The following ITSN2 variants were observed in gnomAD, a reference collection of about 807,000 sequenced individuals.
The protein encoded by ITSN2 is intersectin 2, also known as intersectin-2.
ITSN2 carries 156 observed loss-of-function variants against 243.7 expected under a neutral mutation model. That is an observed-to-expected ratio of 0.64 (90% CI 0.56 to 0.73). The LOEUF is 0.73. Ranked by LOEUF, ITSN2 falls within the 30% of genes least tolerant of loss-of-function variation. ITSN2 has a pLI of 0.00. For missense variants in ITSN2, 1,801 were observed against 1,996.1 expected (o/e 0.90, Z 1.86); for synonymous variants, 703 against 699.9 (o/e 1.00, Z -0.07).
At chr2:24,218,529 C>T (rs1243751473) in intron 30 of ITSN2, among the ~76,000 whole-genome samples, 1 of 152,198 alleles carries the variant, frequency 6.6e-6, no homozygotes, top group Non-Finnish European at 1.5e-5. Context: ...ATCTGTATTA[C>T]ATAGCACTTA....
chr2:24,354,151 T>C (rs1430146741), intron 1 of ITSN2, among the ~76,000 whole-genome samples: 1 of 152,270 alleles, frequency 6.6e-6, no homozygotes, highest in African/African-American at 2.4e-5. Context: ...GGTTACCTCA[T>C]TATCACTGAT....
chr2:24,277,988 T>A (rs895830174), intron 17 of ITSN2, among the ~76,000 whole-genome samples: 1 of 151,984 alleles, frequency 6.6e-6, no homozygotes, highest in Non-Finnish European at 1.5e-5. Context: ...CCTCACAGAG[T>A]TGTTGTGAGG....
intron 1 of ITSN2, among the ~76,000 whole-genome samples, chr2:24,349,119 C>A (rs2551145): frequency 0.96 from 146,293 of 152,094 alleles, 70,403 homozygotes; most frequent in East Asian, 0.98. Context: ...CAATAATCAT[C>A]ATCATCATCA....
At chr2:24,257,343 A>T (rs1428939263) in intron 23 of ITSN2, among the ~76,000 whole-genome samples, 1 of 152,184 alleles carries the variant, frequency 6.6e-6, no homozygotes, top group Non-Finnish European at 1.5e-5. Flanking sequence ...CAACAGATCT[A>T]TAATTTTGAG....
intron 18 of ITSN2, chr2:24,273,650 G>GT: frequency 6.6e-6 from 1 of 150,682 alleles, no homozygotes; most frequent in East Asian, 1.9e-4. Flanking sequence ...AAGGCTCCTT[G>GT]TTTAATTTAA....
Position 24,300,160 on chromosome 2 carries a change from C to T in ITSN2, c.1093G>A (p.Asp365Asn). Residue 365 changes from aspartate to asparagine, a missense_variant, in exon 12 of 40, where the codon GAC becomes AAC. Asp to Asn is a conservative substitution (Grantham distance 23). Around this residue, in one of 5 missense-constraint regions of ITSN2, gnomAD observed 787 missense variants for 803.9 expected, o/e 0.98. Transcript: ENST00000355123. ...CGCTCATAGTTGGCTTTCCGTTTGT[C>T]CTCAAAAGTAACTGAACAAGGTATG... The part of the protein sequence containing the change: ...PQKKLPVTFE[D>N]KRKANYERGN... The T allele has an allele frequency of 6.2e-7, 1 of 1,614,108 alleles. No homozygotes were observed. The highest frequency in any genetic ancestry group is 8.5e-7 in the Non-Finnish European group (1 of 1,180,022).
intron 13 of ITSN2, 21 bp from the exon 14 acceptor site, chr2:24,295,825 T>C (rs761809329): frequency 2.2e-5 from 32 of 1,465,294 alleles, no homozygotes; most frequent in Non-Finnish European, 2.9e-5. Flanking sequence ...ATCATATAAA[T>C]ATATAGTAAC....
intron 27 of ITSN2, 65 bp downstream of exon 27, chr2:24,248,564 T>A: frequency 7.3e-7 from 1 of 1,374,542 alleles, no homozygotes. Context: ...ATTAATTTTA[T>A]CTTTTTTATG....
intron 1 of ITSN2, among the ~76,000 whole-genome samples, chr2:24,338,560 C>G (rs1686710219): frequency 6.6e-6 from 1 of 152,208 alleles, no homozygotes; most frequent in Non-Finnish European, 1.5e-5. Context: ...ATGAGAAGAG[C>G]TGGAGCAAAA....
intron 37 of ITSN2, among the ~76,000 whole-genome samples, chr2:24,207,420 G>T (rs1169251160): frequency 2.6e-5 from 4 of 152,132 alleles, no homozygotes; most frequent in African/African-American, 9.7e-5. Flanking sequence ...GTGGTCCCTT[G>T]GGAAAAGCCG....
rs774913948 is a variant in ITSN2 at position 24,210,797 on chromosome 2, A to G, written c.4240T>C (p.Cys1414Arg). Residue 1414 changes from cysteine to arginine, a missense_variant, in exon 34 of 40, where the codon TGT becomes CGT. This residue lies in a region of ITSN2 where 928 missense variants were observed against 1,065.4 expected (regional missense o/e 0.87). Transcript: ENST00000355123. ...RLEWIQAHVQCEGLAEQLIFN... is the reference protein window; with the variant it reads ...RLEWIQAHVQREGLAEQLIFN... Reference sequence around the variant, plus strand: ...GGCCTGACCTCCGCGAGGCCTTCACACTGCACGTGCGCCTGGATCCACTCC... The same window carrying G: ...GGCCTGACCTCCGCGAGGCCTTCACGCTGCACGTGCGCCTGGATCCACTCC... 7.4e-6 allele frequency: 12 copies of G among 1,613,908 alleles called. No individual in the cohort carries two copies. Among genetic ancestry groups the G allele is most frequent in the Admixed American group, 5.0e-5 (3 of 59,990 alleles).
rs760987336 is a variant in ITSN2 at position 24,204,160 on chromosome 2, G to A, written c.4936+85C>T. On this transcript the variant is annotated intron_variant, in intron 39 of 39. Coordinates refer to ENST00000355123, the MANE Select transcript of ITSN2 (RefSeq NM_006277.3). This position sits in a 1 kb window ranked among gnomAD's most constrained non-coding sequence, Gnocchi z 5.1. Reference sequence around the variant, plus strand: ...ACTTCCCTGAAGTGGCATGGGGTCTGCACACAGCTGAAGCCCCTAGATCTG... The same window carrying A: ...ACTTCCCTGAAGTGGCATGGGGTCTACACACAGCTGAAGCCCCTAGATCTG... 18 of 1,361,934 alleles carry A rather than the reference G, an allele frequency of 1.3e-5. No homozygotes were observed. The highest frequency in any genetic ancestry group is 1.8e-5 in the Non-Finnish European group (17 of 962,442). The allele number at this position is 1,361,934 out of a possible 1,614,324, so 84.4% of individuals were successfully genotyped here.
At chr2:24,303,975 T>C in intron 8 of ITSN2, 113 bp from the exon 9 acceptor site, 1 of 772,726 alleles carries the variant, frequency 1.3e-6, no homozygotes, top group Non-Finnish European at 2.2e-6. Flanking sequence ...TGGGAACTTT[T>C]AACATCAAAA....
At chr2:24,324,091 G>A (rs1234614977) in intron 2 of ITSN2, among the ~76,000 whole-genome samples, 1 of 152,162 alleles carries the variant, frequency 6.6e-6, no homozygotes, top group Non-Finnish European at 1.5e-5. Flanking sequence ...ACTTAGCTAG[G>A]CGTGGTGGTG....
At chr2:24,257,738 T>C (rs920081990) in intron 23 of ITSN2, 150 bp downstream of exon 23, 1 of 660,424 alleles carries the variant, frequency 1.5e-6, no homozygotes, top group African/African-American at 1.8e-5. Context: ...ATTACAGGTG[T>C]GAGCCACCAC....
Position 24,209,126 on chromosome 2 carries a change from G to A in ITSN2, c.4569C>T (p.Thr1523=). ...FHISHIDRVY[T]LRTDNINERT... ...TCTCATTAATGTTGTCTGTTCGGAG[G>A]GTGTAGACCCGATCAATGTGGGAAA... Residue 1523 remains threonine, a synonymous_variant, in exon 36 of 40, where the codon ACC becomes ACT. Transcript: ENST00000355123. 4.3e-6 allele frequency: 7 copies of A among 1,614,102 alleles called. No homozygotes were observed. The highest frequency in any genetic ancestry group is 5.1e-6 in the Non-Finnish European group (6 of 1,179,972).
intron 17 of ITSN2, among the ~76,000 whole-genome samples, chr2:24,278,818 A>AT (rs1323709936): frequency 6.6e-6 from 1 of 151,746 alleles, no homozygotes; most frequent in Non-Finnish European, 1.5e-5. Context: ...CGCCCGGCTA[A>AT]TTTTTGCATT....
intron 24 of ITSN2, 76 bp downstream of exon 24, chr2:24,254,291 G>C: frequency 1.0e-6 from 1 of 953,704 alleles, no homozygotes; most frequent in Non-Finnish European, 1.7e-6. Flanking sequence ...GTGAAGAACA[G>C]CAACTATGTG....
At chr2:24,217,121 T>A (rs375141188) in intron 31 of ITSN2, among the ~76,000 whole-genome samples, 1 of 139,398 alleles carries the variant, frequency 7.2e-6, no homozygotes, top group Non-Finnish European at 1.5e-5. Context: ...TGGTGGTGGG[T>A]GCCTGTTGTC....
Sources: allele counts gnomAD v4.1 joint callset (sites outside exome capture counted in the v4.1 genomes callset), GRCh38; gene constraint gnomAD v4.1.1; regional missense constraint gnomAD v4.1.1; non-coding constraint Gnocchi (gnomAD v3.1); transcripts MANE v1.5; gene names NCBI Gene and HGNC (gene_info 2026-07-23, HGNC 2026-07-21).